The following ITPR1 variants were observed in gnomAD, a reference collection of about 807,000 sequenced individuals.
ITPR1 encodes the protein inositol 1,4,5-trisphosphate-gated calcium channel ITPR1.
ITPR1 carries 96 observed loss-of-function variants against 318.4 expected under a neutral mutation model. The observed-to-expected ratio is 0.30, with a 90% confidence interval of 0.26 to 0.36. The LOEUF (loss-of-function observed/expected upper bound fraction) is 0.36, where lower values mean the gene tolerates loss of function less well. ITPR1 is among the 10% of genes least tolerant of loss of function. The pLI is 1.00. For synonymous variants in ITPR1, 1,312 were observed against 1,289.9 expected (o/e 1.02, Z -0.37); for missense variants, 2,440 against 3,460.2 (o/e 0.71, Z 7.40).
intron 4 of ITPR1, among the ~76,000 whole-genome samples, chr3:4,560,787 A>G (rs921130735): frequency 4.6e-5 from 7 of 152,246 alleles, no homozygotes; most frequent in African/African-American, 1.7e-4. Flanking sequence ...GGAGGGAAGA[A>G]GTAGAGGTGA....
intron 5 of ITPR1, among the ~76,000 whole-genome samples, chr3:4,636,532 G>A (rs2093195829): frequency 6.6e-6 from 1 of 152,122 alleles, no homozygotes; most frequent in Non-Finnish European, 1.5e-5. Context: ...GGGTTCCAGT[G>A]ATTCTCCTGC....
intron 7 of ITPR1, among the ~76,000 whole-genome samples, chr3:4,643,198 A>G (rs962612679): frequency 2.0e-5 from 3 of 152,260 alleles, no homozygotes; most frequent in Admixed American, 6.5e-5. Flanking sequence ...GGTTTCACCA[A>G]AAGTGTTGGA....
At position 4,702,901 on chromosome 3, in the gene ITPR1, A is replaced by G. The variant is rs1390578876; in HGVS notation, c.4608A>G (p.Pro1536=). The G allele has an allele frequency of 6.2e-7, 1 of 1,614,014 alleles. No homozygotes were observed. The highest frequency in any genetic ancestry group is 1.1e-5 in the South Asian group (1 of 91,070). ...FRVYHCNWLM[P]SQKASVESCI... ...TTTACCACTGCAACTGGTTAATGCC[A>G]AGCCAAAAAGCCTCCGTGGAGAGCT... The change falls in exon 36 of 62, where the codon CCA becomes CCG. Residue 1536 remains proline, a synonymous_variant. Coordinates refer to ENST00000649015, the MANE Select transcript of ITPR1 (RefSeq NM_001378452.1).
At chr3:4,744,014 T>G (rs1187926001) in intron 44 of ITPR1, among the ~76,000 whole-genome samples, 1 of 152,158 alleles carries the variant, frequency 6.6e-6, no homozygotes, top group Non-Finnish European at 1.5e-5. Context: ...TTTTGTATTT[T>G]TAGTAGAGAC....
At chr3:4,828,304 C>G (rs1235768146) in intron 60 of ITPR1, among the ~76,000 whole-genome samples, 1 of 152,194 alleles carries the variant, frequency 6.6e-6, no homozygotes, top group East Asian at 1.9e-4. Flanking sequence ...CTAAAATCCT[C>G]ATACATAGCC....
At chr3:4,806,813 G>A (rs146803932) in intron 55 of ITPR1, among the ~76,000 whole-genome samples, 2 of 152,244 alleles carry the variant, frequency 1.3e-5, no homozygotes, top group East Asian at 3.9e-4. Flanking sequence ...TTGACAGTCT[G>A]TAAGACAAGC....
intron 13 of ITPR1, among the ~76,000 whole-genome samples, chr3:4,659,257 G>T (rs1190914047): frequency 6.6e-6 from 1 of 152,084 alleles, no homozygotes; most frequent in Non-Finnish European, 1.5e-5. Context: ...ACAAGTCTCT[G>T]GTCACACAGA....
chr3:4,800,440 A>T lies in ITPR1; in HGVS notation c.6947A>T (p.His2316Leu). 6.2e-7 allele frequency: 1 copy of T among 1,613,674 alleles called. No homozygotes were observed. Among genetic ancestry groups the T allele is most frequent in the Non-Finnish European group, 8.5e-7 (1 of 1,179,798 alleles). ...KGVRGGTLEP[H>L]WSGLLWTAML... ...GTCCTTGCAGGAACCCTGGAGCCCC[A>T]CTGGTCGGGACTCCTGTGGACAGCC... The change falls in exon 54 of 62, where the codon CAC (histidine) becomes CTC (leucine). Residue 2316 changes from histidine (H) to leucine (L), a missense_variant. This residue lies in a region of ITPR1 where 126 missense variants were observed against 150.8 expected (regional missense o/e 0.84). Coordinates refer to ENST00000649015, the MANE Select transcript of ITPR1 (RefSeq NM_001378452.1).
intron 4 of ITPR1, among the ~76,000 whole-genome samples, chr3:4,564,204 G>A (rs866820164): frequency 1.3e-5 from 2 of 152,152 alleles, no homozygotes; most frequent in African/African-American, 2.4e-5. Flanking sequence ...GCCTCCCAAA[G>A]TGCTGGGATT....
At chr3:4,810,824 C>T (rs560166417) in intron 55 of ITPR1, among the ~76,000 whole-genome samples, 13 of 152,288 alleles carry the variant, frequency 8.5e-5, no homozygotes, top group Middle Eastern at 3.4e-3. Flanking sequence ...TTGCCACTGA[C>T]GCTGGCTTGT....
intron 4 of ITPR1, among the ~76,000 whole-genome samples, chr3:4,605,672 A>G (rs2091652755): frequency 6.6e-6 from 1 of 152,224 alleles, no homozygotes; most frequent in Admixed American, 6.5e-5. Context: ...GTGACTCGGT[A>G]TAGAGTGGTC....
At chr3:4,715,454 A>C (rs1416339577) in intron 39 of ITPR1, among the ~76,000 whole-genome samples, 1 of 152,246 alleles carries the variant, frequency 6.6e-6, no homozygotes, top group Non-Finnish European at 1.5e-5. Flanking sequence ...AAGGTCATCC[A>C]AAACCTGTAG....
intron 44 of ITPR1, among the ~76,000 whole-genome samples, chr3:4,738,498 C>A (rs1021190239): frequency 6.6e-6 from 1 of 152,146 alleles, no homozygotes; most frequent in African/African-American, 2.4e-5. Context: ...AGGCCCCATT[C>A]GGTTCTGGGC....
chr3:4,574,954 G>A (rs2088469320), intron 4 of ITPR1, among the ~76,000 whole-genome samples: 1 of 152,186 alleles, frequency 6.6e-6, no homozygotes. Flanking sequence ...GCAGTGTGAG[G>A]GACACTCCCT....
chr3:4,585,507 G>A (rs2089801603), intron 4 of ITPR1, among the ~76,000 whole-genome samples: 1 of 152,130 alleles, frequency 6.6e-6, no homozygotes, highest in African/African-American at 2.4e-5. Context: ...TACGATCCCA[G>A]CTCACTGCAA....
rs1477940607 is a variant in ITPR1, at chr3:4,782,733, G to A, written c.6502G>A (p.Ala2168Thr). ...RNVGHNIYILAHQLARHNKEL... is the reference protein window; with the variant it reads ...RNVGHNIYILTHQLARHNKEL... ...CGTGGGGCACAACATCTACATATTA[G>A]CCCATCAGGTATGATCTCTCCTGTG... The change falls in exon 50 of 62, where the codon GCC becomes ACC. Residue 2168 changes from alanine (A) to threonine (T), a missense_variant. Physicochemically the swap from Ala to Thr is moderately conservative, Grantham distance 58. This residue lies in a region of ITPR1 where 115 missense variants were observed against 204.5 expected (regional missense o/e 0.56). Coordinates refer to ENST00000649015, the MANE Select transcript of ITPR1 (RefSeq NM_001378452.1). The A allele has an allele frequency of 6.4e-7, 1 of 1,565,762 alleles. No homozygotes were observed. The highest frequency in any genetic ancestry group is 8.7e-7 in the Non-Finnish European group (1 of 1,154,900).
intron 5 of ITPR1, among the ~76,000 whole-genome samples, chr3:4,634,698 C>T (rs1435253834): frequency 6.6e-6 from 1 of 152,212 alleles, no homozygotes; most frequent in Non-Finnish European, 1.5e-5. Flanking sequence ...TTTCCCTACT[C>T]TCCTACCCCC....
chr3:4,610,437 A>G (rs2092001942), intron 4 of ITPR1, among the ~76,000 whole-genome samples: 1 of 151,768 alleles, frequency 6.6e-6, no homozygotes, highest in Non-Finnish European at 1.5e-5. Flanking sequence ...CCTGATAGGA[A>G]AAGAGTTTTT....
chr3:4,814,226 C>T (rs966656977), intron 57 of ITPR1, 197 bp from the exon 58 acceptor site: 6 of 603,934 alleles, frequency 9.9e-6, no homozygotes, highest in Non-Finnish European at 1.5e-5. Flanking sequence ...GAGAAATTAG[C>T]GGGGGTTAGC....
Sources: gnomAD v4.1 joint callset for allele counts (sites outside exome capture counted in the v4.1 genomes callset) on GRCh38, gnomAD v4.1.1 for gene constraint, gnomAD v4.1.1 regional missense constraint, MANE v1.5 for transcripts, NCBI Gene and HGNC (gene_info 2026-07-23, HGNC 2026-07-21) for gene names.